Variants in SLC12A1 observed in about 807,000 individuals in gnomAD.
The protein encoded by SLC12A1 is Na-K-2Cl cotransporter.
A neutral mutation model predicts 130.4 loss-of-function variants in SLC12A1; 89 were observed. The observed-to-expected ratio is 0.68, with a 90% CI of 0.58 to 0.81. The LOEUF (loss-of-function observed/expected upper bound fraction) is 0.81. Ranked by LOEUF, SLC12A1 falls within the 40% of genes least tolerant of loss-of-function variation. The probability of loss-of-function intolerance (pLI) is 0.00; values close to 1 mark genes in which losing one functional copy is unlikely to be tolerated. For missense variants in SLC12A1, 1,310 were observed against 1,336.4 expected (o/e 0.98, Z 0.31); for synonymous variants, 499 against 460.0 (o/e 1.08, Z -1.09).
chr15:48,290,768 C>A (rs183602839), intron 23 of SLC12A1, among the ~76,000 whole-genome samples: 4 of 151,688 alleles, frequency 2.6e-5, no homozygotes, highest in Admixed American at 2.6e-4. Context: ...TATTTGTATG[C>A]TAATATTATA....
chr15:48,224,775 C>G (rs893513913), intron 4 of SLC12A1: 1 of 152,134 alleles, frequency 6.6e-6, no homozygotes, highest in East Asian at 1.9e-4. Flanking sequence ...TCGGTTGTCT[C>G]AGCTCCAAAT....
At chr15:48,265,376 T>C (rs11854679) in intron 17 of SLC12A1, among the ~76,000 whole-genome samples, 45,502 of 152,104 alleles carry the variant, frequency 0.3, 8,450 homozygotes, top group African/African-American at 0.52. Context: ...GTCACTGTGG[T>C]ACAACTCACT....
Position 48,247,339 on chromosome 15 carries a change from T to A in SLC12A1, c.1563T>A (p.Ala521=). ...TTTCTTCTCTTCTTTTCCATTAGGC[T>A]CTGTGCAAGGACAACATCTACAAAG... ...SLVSAPKVFQ[A]LCKDNIYKAL... is the part of the protein sequence containing the mutation. Residue 521 remains alanine, a splice_region_variant and synonymous_variant, in exon 13 of 27, where the codon GCT becomes GCA. Coordinates refer to ENST00000380993, the MANE Select transcript of SLC12A1 (RefSeq NM_000338.3). 1 of 1,608,476 alleles carries A rather than the reference T, an allele frequency of 6.2e-7. No individual in the cohort carries two copies. The highest frequency in any genetic ancestry group is 8.5e-7 in the Non-Finnish European group (1 of 1,178,858).
At chr15:48,256,580 A>C (rs938499373) in intron 16 of SLC12A1, among the ~76,000 whole-genome samples, 3 of 152,286 alleles carry the variant, frequency 2.0e-5, no homozygotes, top group Middle Eastern at 3.4e-3. Context: ...GCAAAGGAGG[A>C]GCAAAGGCAT....
In SLC12A1 at chr15:48,209,870, G is replaced by C. The variant is rs116043416; in HGVS notation, c.420+1731G>C. On this transcript the variant is annotated intron_variant, in intron 2 of 26. Transcript: ENST00000380993. ...CCCCTTTCCCCACCAAAACTTGCTA[G>C]TCCTGTGTACTAAATCGGCAACAGT... 1.3e-3 allele frequency among the ~76,000 whole-genome samples: 192 copies of C among 152,202 alleles called. 1 individual carries two copies. Among genetic ancestry groups the C allele is most frequent in the African/African-American group, 4.6e-3 (191 of 41,510 alleles).
At chr15:48,215,477 A>G (rs1043058210) in intron 2 of SLC12A1, among the ~76,000 whole-genome samples, 4 of 152,220 alleles carry the variant, frequency 2.6e-5, no homozygotes, top group African/African-American at 9.6e-5. Context: ...CATTTATGGT[A>G]ATGGGAGTGT....
chr15:48,264,669 C>G (rs1467303889), intron 17 of SLC12A1, among the ~76,000 whole-genome samples: 1 of 152,072 alleles, frequency 6.6e-6, no homozygotes, highest in East Asian at 1.9e-4. Flanking sequence ...GAAAAATTTT[C>G]TTTCCCACAA....
chr15:48,254,712 G>A (rs1013343972), intron 15 of SLC12A1, among the ~76,000 whole-genome samples: 4 of 150,676 alleles, frequency 2.7e-5, no homozygotes, highest in African/African-American at 9.7e-5. Flanking sequence ...ACGATGTCAG[G>A]AGATGGAGAC....
At chr15:48,285,394 G>T (rs1263522502) in intron 21 of SLC12A1, 145 bp downstream of exon 21, 1 of 666,732 alleles carries the variant, frequency 1.5e-6, no homozygotes, top group South Asian at 2.3e-5. Context: ...AAGGTAGTAT[G>T]GATAAACGGT....
chr15:48,221,822 T>G (rs2041220525), intron 4 of SLC12A1, among the ~76,000 whole-genome samples: 1 of 152,286 alleles, frequency 6.6e-6, no homozygotes, highest in Non-Finnish European at 1.5e-5. Flanking sequence ...CGGAGAAGAC[T>G]TAGTCTCAGG....
chr15:48,247,423 T>G lies in SLC12A1; in HGVS notation c.1647T>G (p.Ile549Met). ...GKNNEPLRGY[I>M]LTFLIAMAFI... ...ACAATGAACCCCTGAGAGGATATAT[T>G]CTCACTTTTCTTATAGCCATGGCAT... The change falls in exon 13 of 27, where the codon ATT becomes ATG. Residue 549 changes from isoleucine to methionine, a missense_variant. Coordinates refer to ENST00000380993, the MANE Select transcript of SLC12A1 (RefSeq NM_000338.3). 1 of 1,610,798 alleles carries G rather than the reference T, an allele frequency of 6.2e-7. No homozygotes were observed. The highest frequency in any genetic ancestry group is 1.7e-5 in the Admixed American group (1 of 59,962).
chr15:48,267,236 T>C (rs1455337027), intron 17 of SLC12A1, among the ~76,000 whole-genome samples: 1 of 152,212 alleles, frequency 6.6e-6, no homozygotes. Context: ...GTTGATTGTG[T>C]ATTTATCCTA....
At chr15:48,244,269 C>T (rs2041551499) in intron 10 of SLC12A1, among the ~76,000 whole-genome samples, 1 of 152,136 alleles carries the variant, frequency 6.6e-6, no homozygotes, top group African/African-American at 2.4e-5. Flanking sequence ...AGAACTGTAA[C>T]TCTGTTTGAT....
Position 48,288,487 on chromosome 15 carries a change from G to T in SLC12A1, c.2844G>T (p.Lys948Asn). The T allele has an allele frequency of 1.3e-6, 2 of 1,549,372 alleles. No individual in the cohort carries two copies. Among genetic ancestry groups the T allele is most frequent in the Non-Finnish European group, 1.8e-6 (2 of 1,142,510 alleles). Reference sequence around the variant, plus strand: ...AATTAAGAATCTATGTGGGAGGGAAGATCAACCGCATTGAAGAAGAAAAAA... The same window carrying T: ...AATTAAGAATCTATGTGGGAGGGAATATCAACCGCATTGAAGAAGAAAAAA... Reference protein sequence around the residue: ...DCKLRIYVGGKINRIEEEKIV... With the variant: ...DCKLRIYVGGNINRIEEEKIV... The change falls in exon 23 of 27, where the codon AAG (lysine) becomes AAT (asparagine). Residue 948 changes from lysine to asparagine, a missense_variant. Transcript: ENST00000380993.
At chr15:48,261,975 G>A (rs1369042456) in intron 17 of SLC12A1, among the ~76,000 whole-genome samples, 2 of 152,142 alleles carry the variant, frequency 1.3e-5, no homozygotes, top group Non-Finnish European at 2.9e-5. Flanking sequence ...GCTTTCTAAT[G>A]CTGAGTATGG....
intron 2 of SLC12A1, chr15:48,217,706 G>A (rs1255331652): frequency 2.0e-5 from 3 of 152,202 alleles, no homozygotes; most frequent in African/African-American, 7.2e-5. Flanking sequence ...AAAGAAGTAG[G>A]AGGCAAGAAT....
At position 48,232,644 on chromosome 15, in the gene SLC12A1, C is replaced by T. The variant is rs1334391983; in HGVS notation, c.976-83C>T. On this transcript the variant is annotated intron_variant, in intron 7 of 26. Coordinates refer to ENST00000380993, the MANE Select transcript of SLC12A1 (RefSeq NM_000338.3). ...TGAAATATCAGATAGAGTCTTTCTG[C>T]AGTGGACACTTCTAACTTTTATAAT... The T allele has an allele frequency of 3.6e-6, 3 of 841,710 alleles. No homozygotes were observed. In the East Asian group the frequency reaches 7.3e-5, roughly 21 times the overall value. The allele number at this position is 841,710 out of a possible 1,614,324, so 52.1% of individuals were successfully genotyped here. A position where few individuals can be genotyped will look rare whatever the true frequency, so the allele number is the denominator to read the frequency against.
intron 20 of SLC12A1, among the ~76,000 whole-genome samples, chr15:48,281,230 T>C (rs2042006030): frequency 6.6e-6 from 1 of 152,210 alleles, no homozygotes; most frequent in Admixed American, 6.5e-5. Flanking sequence ...GTCACAGATT[T>C]GTTGTTTTGG....
chr15:48,248,659 T>TC (rs1566840279), intron 13 of SLC12A1, among the ~76,000 whole-genome samples: 1 of 152,232 alleles, frequency 6.6e-6, no homozygotes, highest in Non-Finnish European at 1.5e-5. Context: ...GACCTTCAGA[T>TC]AAAGGATGAC....
Sources: allele counts gnomAD v4.1 joint callset (sites outside exome capture counted in the v4.1 genomes callset), GRCh38; gene constraint gnomAD v4.1.1; transcripts MANE v1.5; gene names NCBI Gene and HGNC (gene_info 2026-07-23, HGNC 2026-07-21).